Variants in TESMIN observed in about 807,000 individuals in gnomAD.
TESMIN encodes CXC domain containing 2.
A neutral mutation model predicts 47.4 loss-of-function variants in TESMIN; 34 were observed. The observed-to-expected ratio is 0.72, with a 90% CI of 0.55 to 0.96. The LOEUF is 0.96. Among genes scored for constraint, TESMIN ranks in the 40% least tolerant of loss-of-function variants. The pLI is 0.00. For synonymous variants in TESMIN, 278 were observed against 258.9 expected (o/e 1.07, Z -0.71); for missense variants, 610 against 637.2 (o/e 0.96, Z 0.46).
chr11:68,747,115 G>A, intron 3 of TESMIN, 93 bp downstream of exon 3: 1 of 1,424,796 alleles, frequency 7.0e-7, no homozygotes, highest in South Asian at 1.2e-5. Flanking sequence ...TACGTGAAAT[G>A]AAAAACGAGT....
In TESMIN at chr11:68,750,241, C is replaced by A; in HGVS notation, c.420G>T (p.Leu140=). 1 of 1,532,788 alleles carries A rather than the reference C, an allele frequency of 6.5e-7. No homozygotes were observed. Among genetic ancestry groups the A allele is most frequent in the Non-Finnish European group, 8.7e-7 (1 of 1,150,694 alleles). 94.9% of individuals were successfully genotyped at this position (1,532,788 alleles called of 1,614,324 possible). ...AGGCTCCTTCCAGGACCCAGGCGCC[C>A]AGGGGCAACACCGCCGGGCTGCGGT... ...PAHRSPAVLP[L]GAWVLEGASH... Residue 140 remains leucine, a synonymous_variant, in exon 2 of 10, where the codon CTG becomes CTT. Coordinates refer to ENST00000255087, the MANE Select transcript of TESMIN (RefSeq NM_004923.3).
At chr11:68,726,648 A>G (rs1946267526) in intron 6 of TESMIN, among the ~76,000 whole-genome samples, 1 of 152,230 alleles carries the variant, frequency 6.6e-6, no homozygotes, top group Non-Finnish European at 1.5e-5. Flanking sequence ...GCAACAAGAG[A>G]CTACCAAAAA....
intron 5 of TESMIN, among the ~76,000 whole-genome samples, chr11:68,740,261 C>G (rs1395417368): frequency 6.6e-6 from 1 of 152,140 alleles, no homozygotes; most frequent in East Asian, 1.9e-4. Context: ...GGTCCATGGA[C>G]CACACTTTGG....
At chr11:68,723,305 G>A (rs1946224058) in intron 6 of TESMIN, among the ~76,000 whole-genome samples, 1 of 151,472 alleles carries the variant, frequency 6.6e-6, no homozygotes, top group Non-Finnish European at 1.5e-5. Context: ...TGGACACTAT[G>A]AAATGTACAT....
Position 68,707,999 on chromosome 11 carries a change from C to A in TESMIN, c.*309G>T. ...CCCTCCCCTGCCCCGCTCTGCCCTT[C>A]GCAGGGCCTGCTGTGCCCTCCCCTG... On this transcript the variant is annotated 3_prime_UTR_variant, in exon 10 of 10. Coordinates refer to ENST00000255087, the MANE Select transcript of TESMIN (RefSeq NM_004923.3). 1 of 445,470 alleles carries A rather than the reference C, an allele frequency of 2.2e-6. No individual in the cohort carries two copies. The highest frequency in any genetic ancestry group is 4.3e-6 in the Non-Finnish European group (1 of 232,064). The allele number at this position is 445,470 out of a possible 1,614,324, so 27.6% of individuals were successfully genotyped here.
intron 6 of TESMIN, among the ~76,000 whole-genome samples, chr11:68,726,394 C>A (rs769720664): frequency 9.2e-5 from 14 of 152,122 alleles, no homozygotes; most frequent in Non-Finnish European, 1.3e-4. Context: ...AGCAAACAAA[C>A]CTTCTCTGAA....
At chr11:68,744,896 T>C (rs559629490) in intron 4 of TESMIN, 95 bp downstream of exon 4, 1 of 1,059,980 alleles carries the variant, frequency 9.4e-7, no homozygotes, top group Non-Finnish European at 1.3e-6. Context: ...CTATTTAATA[T>C]CCTGGTTGCC....
At chr11:68,738,672 G>A in intron 6 of TESMIN, 28 bp downstream of exon 6, 1 of 1,612,612 alleles carries the variant, frequency 6.2e-7, no homozygotes, top group Non-Finnish European at 8.5e-7. Context: ...TTACATTAGA[G>A]TGACAATGTA....
Position 68,750,187 on chromosome 11 carries a change from T to TA in TESMIN, c.471+2dup, listed in dbSNP as rs1396082412. 1.4e-6 allele frequency: 2 copies of TA among 1,475,916 alleles called. No individual in the cohort carries two copies. The highest frequency in any genetic ancestry group is 1.8e-6 in the Non-Finnish European group (2 of 1,124,162). The allele number at this position is 1,475,916 out of a possible 1,614,324, so 91.4% of individuals were successfully genotyped here. The stretch of plus-strand genomic sequence containing the variant: ...CTGTGCCCATTCCCCAGGCGGTTCT[T>TA]ACTGGGATCATGCGGACGCCCGGGT... On this transcript the variant is annotated splice_region_variant and intron_variant, in intron 2 of 9. Transcript: ENST00000255087.
chr11:68,718,548 T>A (rs1033110711), intron 6 of TESMIN, among the ~76,000 whole-genome samples: 3 of 152,148 alleles, frequency 2.0e-5, no homozygotes, highest in Non-Finnish European at 4.4e-5. Flanking sequence ...AAATACTGAA[T>A]ATTAAGAATG....
At chr11:68,718,140 G>GC (rs113363581) in intron 6 of TESMIN, among the ~76,000 whole-genome samples, 1 of 25,998 alleles carries the variant, frequency 3.8e-5, no homozygotes, top group African/African-American at 9.7e-5. Context: ...CTCAGCTACA[G>GC]CCCCCCGGTC....
chr11:68,739,740 AC>A (rs1413579001), intron 5 of TESMIN, among the ~76,000 whole-genome samples: 1 of 151,812 alleles, frequency 6.6e-6, no homozygotes, highest in African/African-American at 2.4e-5. Context: ...TTCCCGGGAA[AC>A]CCCTTCCTGC....
At chr11:68,733,631 A>G (rs922132655) in intron 6 of TESMIN, 2 of 152,208 alleles carry the variant, frequency 1.3e-5, no homozygotes, top group Admixed American at 1.3e-4. Flanking sequence ...ATATTTAATA[A>G]TGAAGGATTT....
chr11:68,733,552 G>A (rs567061671), intron 6 of TESMIN: 3 of 152,260 alleles, frequency 2.0e-5, no homozygotes, highest in East Asian at 1.9e-4. Flanking sequence ...ACTGTAACAC[G>A]TGCAGTGCTA....
rs1324411708 is a variant in TESMIN at position 68,749,955 on chromosome 11, T to G, written c.471+235A>C. 1.3e-5 allele frequency among the ~76,000 whole-genome samples: 2 copies of G among 152,138 alleles called. 1 individual carries two copies. Among genetic ancestry groups the G allele is most frequent in the Middle Eastern group, 6.3e-3 (2 of 316 alleles). On this transcript the variant is annotated intron_variant, in intron 2 of 9. Coordinates refer to ENST00000255087, the MANE Select transcript of TESMIN (RefSeq NM_004923.3). ...CATGGTTAGGTCAGCTTTGGACGAC[T>G]GGTGCAGGGCAGAATTCCCTCCAGG...
chr11:68,746,170 T>TACACACACACACACACACACACACAC (rs56975910), intron 3 of TESMIN, among the ~76,000 whole-genome samples: 119 of 149,602 alleles, frequency 8.0e-4, no homozygotes, highest in Middle Eastern at 3.5e-3. Flanking sequence ...AAGTTATAGC[T>TACACACACACACACACACACACACAC]ACACACACAC....
At chr11:68,705,467 G>C (rs779160026), downstream of TESMIN, among the ~76,000 whole-genome samples, 28 of 152,148 alleles carry the variant, frequency 1.8e-4, no homozygotes, top group Non-Finnish European at 3.5e-4. Flanking sequence ...GCCTTCTGCT[G>C]ACCTTCCGCC....
At chr11:68,705,964 A>C (rs1403000089), downstream of TESMIN, among the ~76,000 whole-genome samples, 1 of 145,306 alleles carries the variant, frequency 6.9e-6, no homozygotes, top group African/African-American at 2.5e-5. Context: ...CGGAGGTTGC[A>C]GTGAGCCGAG....
intron 6 of TESMIN, among the ~76,000 whole-genome samples, chr11:68,724,485 T>A (rs1000765375): frequency 6.6e-6 from 1 of 152,242 alleles, no homozygotes; most frequent in African/African-American, 2.4e-5. Flanking sequence ...GAGCATATGG[T>A]TGGCTCACCT....
Sources: allele counts gnomAD v4.1 joint callset (sites outside exome capture counted in the v4.1 genomes callset), GRCh38; gene constraint gnomAD v4.1.1; transcripts MANE v1.5; gene names NCBI Gene and HGNC (gene_info 2026-07-23, HGNC 2026-07-21).